USP44: variants seen among roughly 807,000 people sequenced by gnomAD.
USP44 encodes ubiquitin carboxyl-terminal hydrolase 44.
A neutral mutation model predicts 69.0 loss-of-function variants in USP44; 61 were observed. The observed-to-expected ratio is 0.88, with a 90% CI of 0.72 to 1.09. The LOEUF (loss-of-function observed/expected upper bound fraction) is 1.09. Among genes scored for constraint, USP44 ranks in the 50% least tolerant of loss-of-function variants. The pLI is 0.00. For synonymous variants in USP44, 297 were observed against 295.4 expected (o/e 1.01, Z -0.06); for missense variants, 753 against 849.9 (o/e 0.89, Z 1.42).
chr12:95,519,639 T>G (rs1592659585), intron 5 of USP44, among the ~76,000 whole-genome samples: 1 of 147,034 alleles, frequency 6.8e-6, no homozygotes, highest in East Asian at 2.1e-4. Context: ...AGAGACGGGG[T>G]TTCACCGTGG....
rs1374412449 is a variant in USP44, at chr12:95,517,482, A to T, written c.*672T>A. On this transcript the variant is annotated 3_prime_UTR_variant, in exon 6 of 6. Coordinates refer to ENST00000258499, the MANE Select transcript of USP44 (RefSeq NM_032147.5). ...CTGCCAGACAAAAATCATAAATCCC[A>T]GCCATCATTTTTTTCATGTCCATAG... 1 of 141,378 alleles carries T rather than the reference A, an allele frequency of 7.1e-6. No individual in the cohort carries two copies. The highest frequency in any genetic ancestry group is 1.6e-5 in the Non-Finnish European group (1 of 64,032). 8.8% of individuals were successfully genotyped at this position (141,378 alleles called of 1,614,324 possible).
intron 2 of USP44, among the ~76,000 whole-genome samples, chr12:95,529,425 T>C (rs1176090878): frequency 6.6e-6 from 1 of 151,374 alleles, no homozygotes; most frequent in African/African-American, 2.4e-5. Flanking sequence ...ACTGTTTCTT[T>C]CATCTTTTTT....
chr12:95,518,514 C>A (rs573139433), intron 5 of USP44, among the ~76,000 whole-genome samples, 161 bp from the exon 6 acceptor site: 3 of 152,326 alleles, frequency 2.0e-5, no homozygotes, highest in African/African-American at 7.2e-5. Context: ...CTGGAATTAT[C>A]TACCTTTATT....
intron 1 of USP44, among the ~76,000 whole-genome samples, chr12:95,545,140 T>C (rs953607504): frequency 7.2e-5 from 11 of 152,132 alleles, no homozygotes; most frequent in Admixed American, 5.2e-4. Flanking sequence ...AATTGGGATA[T>C]AAACGATTTT....
intron 1 of USP44, among the ~76,000 whole-genome samples, chr12:95,543,976 A>G (rs1592747359): frequency 6.7e-6 from 1 of 148,206 alleles, no homozygotes; most frequent in African/African-American, 2.5e-5. Context: ...CAAAAAAAAA[A>G]AAAAAAAAAA....
At chr12:95,519,297 G>A (rs1342965457) in intron 5 of USP44, among the ~76,000 whole-genome samples, 1 of 152,092 alleles carries the variant, frequency 6.6e-6, no homozygotes, top group East Asian at 1.9e-4. Flanking sequence ...TGTACAAGGT[G>A]TATATGAAGC....
intron 1 of USP44, among the ~76,000 whole-genome samples, chr12:95,545,981 C>T (rs2077558039): frequency 6.6e-6 from 1 of 152,198 alleles, no homozygotes; most frequent in South Asian, 2.1e-4. Context: ...CCTCATGTCT[C>T]TAACATGCCT....
chr12:95,533,586 A>G lies in USP44; in HGVS notation c.671T>C (p.Ile224Thr). The change falls in exon 2 of 6, where the codon ATA becomes ACA. Residue 224 changes from isoleucine to threonine, a missense_variant. Physicochemically the swap from Ile to Thr is moderately conservative, Grantham distance 89. Transcript: ENST00000258499. ...CACCTGAACAGAAACTATTTCTATT[A>G]TGGTCGACTGAGCGAGCCCTTGTAA... ...LRLQGLAQSTIIEIVSVQVPA... is the reference protein window; with the variant it reads ...LRLQGLAQSTTIEIVSVQVPA... The G allele has an allele frequency of 2.5e-6, 4 of 1,613,650 alleles. No homozygotes were observed. The South Asian group carries it at 4.4e-5, about 18-fold the overall frequency.
At chr12:95,541,034 C>T (rs183409106) in intron 1 of USP44, among the ~76,000 whole-genome samples, 1 of 152,336 alleles carries the variant, frequency 6.6e-6, no homozygotes, top group East Asian at 1.9e-4. Context: ...AATCCCAACA[C>T]TTTGGGAGGC....
Position 95,533,108 on chromosome 12 carries a change from A to T in USP44, c.1149T>A (p.His383Gln), listed in dbSNP as rs1212112920. ...TGACTTGGAACAAAGTATGCAATTC[A>T]TGACAAAGAGAAATGTACTGTGAAG... Reference protein sequence around the residue: ...EPTSQYISLCHELHTLFQVMW... With the variant: ...EPTSQYISLCQELHTLFQVMW... Residue 383 changes from histidine (H) to glutamine (Q), a missense_variant, in exon 2 of 6, where the codon CAT (histidine) becomes CAA (glutamine). Transcript: ENST00000258499. 1.2e-6 allele frequency: 2 copies of T among 1,614,250 alleles called. No homozygotes were observed. The highest frequency in any genetic ancestry group is 2.2e-5 in the South Asian group (2 of 91,088).
chr12:95,523,542 CTG>C (rs1323202367), intron 4 of USP44, among the ~76,000 whole-genome samples: 1 of 152,066 alleles, frequency 6.6e-6, no homozygotes, highest in Non-Finnish European at 1.5e-5. Flanking sequence ...GTAGGAGAAA[CTG>C]AGTTCGGTTT....
At chr12:95,537,705 T>C (rs1592725139) in intron 1 of USP44, among the ~76,000 whole-genome samples, 2 of 152,236 alleles carry the variant, frequency 1.3e-5, no homozygotes, top group East Asian at 3.9e-4. Flanking sequence ...TTTAAAGACG[T>C]AGAATGAGTT....
At chr12:95,529,122 T>C in intron 2 of USP44, 120 bp from the exon 3 acceptor site, 3 of 833,454 alleles carry the variant, frequency 3.6e-6, no homozygotes, top group Non-Finnish European at 5.2e-6. Context: ...ATTAGGATTC[T>C]GAATAATCTG....
chr12:95,535,154 T>C (rs1195295283), intron 1 of USP44, among the ~76,000 whole-genome samples: 1 of 152,200 alleles, frequency 6.6e-6, no homozygotes, highest in Non-Finnish European at 1.5e-5. Context: ...AAATGTATGA[T>C]TTTGAGCAAA....
intron 2 of USP44, among the ~76,000 whole-genome samples, chr12:95,530,346 T>A (rs2076978552): frequency 6.6e-6 from 1 of 152,042 alleles, no homozygotes; most frequent in East Asian, 1.9e-4. Context: ...CCAGTCTGGG[T>A]GTAGTGGCTC....
intron 5 of USP44, 85 bp downstream of exon 5, chr12:95,520,912 T>A: frequency 7.9e-7 from 1 of 1,264,882 alleles, no homozygotes; most frequent in South Asian, 1.2e-5. Flanking sequence ...TGTTTATGAT[T>A]TAGTAGTCAA....
intron 1 of USP44, among the ~76,000 whole-genome samples, chr12:95,545,181 A>C (rs555001982): frequency 6.6e-6 from 1 of 152,176 alleles, no homozygotes; most frequent in East Asian, 1.9e-4. Context: ...ATTTTACAGG[A>C]ACACATATAC....
intron 1 of USP44, among the ~76,000 whole-genome samples, chr12:95,543,047 C>G (rs2140359219): frequency 6.7e-6 from 1 of 149,466 alleles, no homozygotes; most frequent in East Asian, 2.0e-4. Flanking sequence ...TAGATCGCAC[C>G]ACTGCACTCC....
rs1489318823 is a variant in USP44, at chr12:95,542,737, CA to C, written c.-70-8412del. 4.4e-5 allele frequency among the ~76,000 whole-genome samples: 6 copies of C among 136,334 alleles called. No individual in the cohort carries two copies. The South Asian group carries it at 7.2e-4, about 16-fold the overall frequency. The allele number at this position is 136,334 out of a possible 152,430, so 89.4% of individuals were successfully genotyped here. Reference sequence around the variant, plus strand: ...CTGCACTCCAGCCTGGGTGACAGAGCAAGACTCCATCTCAAAAAAAAAACCA... The same window carrying C: ...CTGCACTCCAGCCTGGGTGACAGAGCAGACTCCATCTCAAAAAAAAAACCA... On this transcript the variant is annotated intron_variant, in intron 1 of 5. Coordinates refer to ENST00000258499, the MANE Select transcript of USP44 (RefSeq NM_032147.5).
Sources: allele counts gnomAD v4.1 joint callset (sites outside exome capture counted in the v4.1 genomes callset), GRCh38; gene constraint gnomAD v4.1.1; transcripts MANE v1.5; gene names NCBI Gene and HGNC (gene_info 2026-07-23, HGNC 2026-07-21).